Variants in INTS9 observed in about 807,000 individuals in gnomAD.
INTS9 encodes integrator complex subunit 9.
In INTS9, 55 loss-of-function variants were observed where a neutral mutation model predicts 79.7. The ratio of observed to expected loss-of-function variants is 0.69; its 90% confidence interval spans 0.56 to 0.86. The LOEUF is 0.86. Among genes scored for constraint, INTS9 ranks in the 40% least tolerant of loss-of-function variants. The pLI, the probability that INTS9 is intolerant of heterozygous loss-of-function variation, is 0.00. For missense variants in INTS9, 721 were observed against 831.5 expected, an observed-to-expected ratio of 0.87 and a Z score of 1.64; for synonymous variants, 319 against 325.2, an observed-to-expected ratio of 0.98 and a Z score of 0.20.
intron 8 of INTS9, among the ~76,000 whole-genome samples, chr8:28,805,573 T>C (rs538250249): frequency 2.0e-4 from 31 of 152,278 alleles, no homozygotes; most frequent in African/African-American, 7.5e-4. Context: ...CACCGTATTA[T>C]GTATGTTCTA....
chr8:28,886,215 A>G (rs959598910), intron 1 of INTS9, among the ~76,000 whole-genome samples: 2 of 152,142 alleles, frequency 1.3e-5, no homozygotes, highest in Non-Finnish European at 2.9e-5. Context: ...ACTTAAAAAA[A>G]ATTTTTTTTT....
chr8:28,777,106 T>A (rs1802933879), intron 13 of INTS9, among the ~76,000 whole-genome samples: 1 of 151,906 alleles, frequency 6.6e-6, no homozygotes. Context: ...TGCCTTAGAG[T>A]TTTGTGAAAG....
At chr8:28,814,284 TCACACACACACACACACACACACA>T (rs60850682) in intron 6 of INTS9, among the ~76,000 whole-genome samples, 128 of 134,336 alleles carry the variant, frequency 9.5e-4, no homozygotes, top group Non-Finnish European at 9.4e-4. Flanking sequence ...ACAGGGCTTC[TCACACACACACACACACACACACA>T]CACACACACA....
chr8:28,857,484 G>GA (rs142260501), intron 2 of INTS9, among the ~76,000 whole-genome samples: 1,860 of 152,124 alleles, frequency 0.012, 43 homozygotes, highest in African/African-American at 0.042. Context: ...TGCTGAAGGG[G>GA]AAAAACGAAT....
intron 1 of INTS9, among the ~76,000 whole-genome samples, chr8:28,864,019 A>G (rs776524009): frequency 2.6e-5 from 4 of 152,142 alleles, no homozygotes; most frequent in Non-Finnish European, 4.4e-5. Flanking sequence ...CTTAGTGTAT[A>G]TATTTCTCAT....
At chr8:28,830,069 G>C (rs1481140667) in intron 6 of INTS9, among the ~76,000 whole-genome samples, 1 of 151,644 alleles carries the variant, frequency 6.6e-6, no homozygotes, top group African/African-American at 2.4e-5. Context: ...AAAAAAGAGT[G>C]AAAACATACA....
chr8:28,853,314 G>A (rs1326897783), intron 2 of INTS9, among the ~76,000 whole-genome samples: 2 of 151,736 alleles, frequency 1.3e-5, no homozygotes, highest in African/African-American at 4.8e-5. Context: ...TTGAGAGGCC[G>A]AGGCAAGAGA....
chr8:28,809,656 C>A (rs190746446), intron 8 of INTS9, among the ~76,000 whole-genome samples: 1 of 152,058 alleles, frequency 6.6e-6, no homozygotes, highest in Admixed American at 6.6e-5. Context: ...CAGGACAAAT[C>A]GCGAGAGTTG....
intron 1 of INTS9, among the ~76,000 whole-genome samples, chr8:28,875,588 A>C (rs1809337575): frequency 6.6e-6 from 1 of 152,096 alleles, no homozygotes; most frequent in Admixed American, 6.6e-5. Flanking sequence ...GCAAAAAATC[A>C]ACCCATCACC....
intron 1 of INTS9, among the ~76,000 whole-genome samples, chr8:28,861,417 C>T (rs186968042): frequency 8.8e-4 from 134 of 152,266 alleles, no homozygotes; most frequent in African/African-American, 3.1e-3. Flanking sequence ...AAAAGCTTTC[C>T]TATATCTCTC....
At chr8:28,781,712 T>A (rs1363077710) in intron 11 of INTS9, among the ~76,000 whole-genome samples, 1 of 152,184 alleles carries the variant, frequency 6.6e-6, no homozygotes, top group Non-Finnish European at 1.5e-5. Flanking sequence ...TCCAACTGTA[T>A]GACGTTCTGG....
chr8:28,807,676 T>C (rs932379912), intron 8 of INTS9, among the ~76,000 whole-genome samples: 2 of 152,202 alleles, frequency 1.3e-5, no homozygotes, highest in Non-Finnish European at 2.9e-5. Context: ...GGTATAACAC[T>C]TATATCTGAC....
intron 4 of INTS9, among the ~76,000 whole-genome samples, chr8:28,838,191 G>A (rs62502785): frequency 0.018 from 2,760 of 152,012 alleles, 46 homozygotes; most frequent in Non-Finnish European, 0.026. Flanking sequence ...CAACGGGGAC[G>A]CAGCACACAG....
Position 28,889,939 on chromosome 8 carries a change from C to G in INTS9, c.-57G>C. 1 of 1,482,768 alleles carries G rather than the reference C, an allele frequency of 6.7e-7. No individual in the cohort carries two copies. The highest frequency in any genetic ancestry group is 1.4e-5 in the African/African-American group (1 of 72,242). The allele number at this position is 1,482,768 out of a possible 1,614,324, so 91.9% of individuals were successfully genotyped here. A position where few individuals can be genotyped will look rare whatever the true frequency, so the allele number is the denominator to read the frequency against. Reference sequence around the variant, plus strand: ...TGAACTCCTCAAACCCAGGAAGCGTCTTCCGGTGCAATCTCCGCCACCTGC... The same window carrying G: ...TGAACTCCTCAAACCCAGGAAGCGTGTTCCGGTGCAATCTCCGCCACCTGC... On this transcript the variant is annotated 5_prime_UTR_variant, in exon 1 of 17. Coordinates refer to ENST00000521022, the MANE Select transcript of INTS9 (RefSeq NM_018250.4).
At chr8:28,830,685 T>C (rs999403495) in intron 6 of INTS9, among the ~76,000 whole-genome samples, 5 of 151,380 alleles carry the variant, frequency 3.3e-5, no homozygotes, top group African/African-American at 1.2e-4. Context: ...CTAGTATTTA[T>C]GCTGAGTTTA....
chr8:28,775,453 A>AG (rs1802810142), intron 14 of INTS9, among the ~76,000 whole-genome samples: 1 of 152,174 alleles, frequency 6.6e-6, no homozygotes, highest in Non-Finnish European at 1.5e-5. Context: ...CTCAGGCTTC[A>AG]GCCTCACGAG....
chr8:28,882,605 G>A lies in INTS9; in HGVS notation c.9+7269C>T, dbSNP rs191642391. ...ATTTAGAAAAAGAGACTCTGATTAA[G>A]CCATAAATCTGAGAAATGGATTATG... On this transcript the variant is annotated intron_variant, in intron 1 of 16. Transcript: ENST00000521022. Among the ~76,000 whole-genome samples, 444 of 139,818 alleles carry A rather than the reference G, an allele frequency of 3.2e-3. 1 individual carries two copies. Among genetic ancestry groups the A allele is most frequent in the African/African-American group, 0.011 (420 of 37,120 alleles). 91.7% of individuals were successfully genotyped at this position (139,818 alleles called of 152,430 possible).
chr8:28,809,473 T>G (rs978526622), intron 8 of INTS9, among the ~76,000 whole-genome samples: 1 of 152,228 alleles, frequency 6.6e-6, no homozygotes, highest in African/African-American at 2.4e-5. Flanking sequence ...GAGAAAAATC[T>G]AATTTTTTTC....
chr8:28,815,537 T>G (rs1171680819), intron 6 of INTS9, among the ~76,000 whole-genome samples: 1 of 152,172 alleles, frequency 6.6e-6, no homozygotes, highest in African/African-American at 2.4e-5. Context: ...GCTCACTGGA[T>G]TACTTTGGAT....
Sources: gnomAD v4.1 joint callset for allele counts (sites outside exome capture counted in the v4.1 genomes callset) on GRCh38, gnomAD v4.1.1 for gene constraint, MANE v1.5 for transcripts, NCBI Gene and HGNC (gene_info 2026-07-23, HGNC 2026-07-21) for gene names.